Variants in ADGRB3 observed in about 807,000 individuals in gnomAD.
ADGRB3 encodes the protein brain-specific angiogenesis inhibitor 3.
In ADGRB3, 37 loss-of-function variants were observed where a neutral mutation model predicts 193.4. The ratio of observed to expected loss-of-function variants is 0.19; its 90% CI spans 0.15 to 0.25. ADGRB3 has a LOEUF of 0.25. Ranked by LOEUF, ADGRB3 falls within the 10% of genes least tolerant of loss-of-function variation. The probability of loss-of-function intolerance (pLI) is 1.00; values close to 1 mark genes in which losing one functional copy is unlikely to be tolerated. For missense variants in ADGRB3, 1,637 were observed against 1,852.9 expected (o/e 0.88, Z 2.14); for synonymous variants, 690 against 644.2 (o/e 1.07, Z -1.08).
intron 19 of ADGRB3, among the ~76,000 whole-genome samples, chr6:69,235,698 T>C (rs1015980465): frequency 2.6e-5 from 4 of 152,010 alleles, no homozygotes; most frequent in Admixed American, 2.6e-4. Flanking sequence ...AAAGAAGTCA[T>C]AAAAATACAT....
At chr6:68,843,661 G>GA (rs34433960) in intron 3 of ADGRB3, among the ~76,000 whole-genome samples, 2,703 of 149,682 alleles carry the variant, frequency 0.018, 70 homozygotes, top group African/African-American at 0.062. Flanking sequence ...CATAGAAATA[G>GA]AAAAAAAAAA....
intron 3 of ADGRB3, among the ~76,000 whole-genome samples, chr6:68,813,975 A>G (rs1017600138): frequency 6.6e-6 from 1 of 152,170 alleles, no homozygotes; most frequent in African/African-American, 2.4e-5. Context: ...ATTTGGGTTC[A>G]TTCTAAGTCT....
intron 13 of ADGRB3, among the ~76,000 whole-genome samples, chr6:69,034,549 TATA>T (rs1237377034): frequency 6.8e-6 from 1 of 148,100 alleles, no homozygotes; most frequent in African/African-American, 2.4e-5. Flanking sequence ...TTATACTACA[TATA>T]ATTATATAAA....
chr6:68,931,562 A>G (rs1388762548), intron 4 of ADGRB3, among the ~76,000 whole-genome samples: 2 of 152,096 alleles, frequency 1.3e-5, no homozygotes, highest in African/African-American at 2.4e-5. Context: ...ATACATCTCA[A>G]TGTTTTGCCA....
chr6:68,989,987 G>A (rs1390259058), intron 10 of ADGRB3, among the ~76,000 whole-genome samples: 1 of 151,806 alleles, frequency 6.6e-6, no homozygotes, highest in Admixed American at 6.6e-5. Context: ...GGATTGGATG[G>A]GATTCAAAAC....
chr6:69,362,442 A>G (rs1240087543), intron 29 of ADGRB3, among the ~76,000 whole-genome samples: 1 of 151,896 alleles, frequency 6.6e-6, no homozygotes, highest in African/African-American at 2.4e-5. Flanking sequence ...TCCCAGAGGC[A>G]ATTGTTTCAT....
Position 69,252,540 on chromosome 6 carries a change from A to G in ADGRB3, c.2814+13314A>G, listed in dbSNP as rs141676643. On this transcript the variant is annotated intron_variant, in intron 20 of 31. Coordinates refer to ENST00000370598, the MANE Select transcript of ADGRB3 (RefSeq NM_001704.3). ...CACTTTGTACTCTTACCAGTAATCT[A>G]TGATAATTCCAGTGTTACATATTCT... is the stretch of plus-strand genomic sequence containing the variant. 4.5e-4 allele frequency among the ~76,000 whole-genome samples: 69 copies of G among 152,218 alleles called. No homozygotes were observed. In the East Asian group the frequency reaches 0.012, roughly 26 times the overall value.
At chr6:68,686,523 C>G (rs932062895) in intron 3 of ADGRB3, among the ~76,000 whole-genome samples, 1 of 152,152 alleles carries the variant, frequency 6.6e-6, no homozygotes, top group East Asian at 1.9e-4. Flanking sequence ...CCTGATCCTA[C>G]TTGTTTAAAA....
chr6:68,711,090 C>T (rs1765400989), intron 3 of ADGRB3, among the ~76,000 whole-genome samples: 1 of 152,050 alleles, frequency 6.6e-6, no homozygotes, highest in Non-Finnish European at 1.5e-5. Flanking sequence ...TGTTTTTCTA[C>T]CCAGGCCAGC....
intron 13 of ADGRB3, among the ~76,000 whole-genome samples, chr6:69,033,017 T>A (rs1770759387): frequency 6.6e-6 from 1 of 152,298 alleles, no homozygotes; most frequent in Middle Eastern, 3.4e-3. Flanking sequence ...AGTCCACTCC[T>A]CTAGGGAACT....
At chr6:69,097,123 T>C (rs1772902774) in intron 17 of ADGRB3, among the ~76,000 whole-genome samples, 1 of 152,256 alleles carries the variant, frequency 6.6e-6, no homozygotes, top group African/African-American at 2.4e-5. Flanking sequence ...TGTTTCATTT[T>C]ATCTTTGGGA....
At chr6:68,849,645 T>C (rs1252943149) in intron 3 of ADGRB3, among the ~76,000 whole-genome samples, 1 of 151,942 alleles carries the variant, frequency 6.6e-6, no homozygotes, top group Non-Finnish European at 1.5e-5. Context: ...TCTCAAACTC[T>C]CATTTTTAGC....
At chr6:68,942,909 C>A (rs1188386318) in intron 5 of ADGRB3, among the ~76,000 whole-genome samples, 2 of 152,128 alleles carry the variant, frequency 1.3e-5, no homozygotes, top group East Asian at 3.8e-4. Context: ...CCACGCCCAG[C>A]CTAAATACTG....
intron 17 of ADGRB3, among the ~76,000 whole-genome samples, chr6:69,193,975 T>C (rs1019376002): frequency 1.8e-4 from 28 of 152,210 alleles, no homozygotes; most frequent in African/African-American, 6.0e-4. Flanking sequence ...TTATCCATCA[T>C]CTGTCTTCTT....
intron 16 of ADGRB3, among the ~76,000 whole-genome samples, chr6:69,063,545 C>T (rs1489234135): frequency 6.6e-6 from 1 of 151,894 alleles, no homozygotes; most frequent in African/African-American, 2.4e-5. Context: ...TTGCATGCCA[C>T]AGTAAAAGTT....
intron 3 of ADGRB3, among the ~76,000 whole-genome samples, chr6:68,776,427 A>G (rs1766748630): frequency 6.6e-6 from 1 of 152,202 alleles, no homozygotes; most frequent in Non-Finnish European, 1.5e-5. Context: ...TGTGGCATGA[A>G]TGGGGTATGA....
intron 3 of ADGRB3, among the ~76,000 whole-genome samples, chr6:68,699,169 C>A (rs1248603838): frequency 6.6e-6 from 1 of 152,074 alleles, no homozygotes; most frequent in South Asian, 2.1e-4. Context: ...CTGTATTTAA[C>A]AACAATTAGA....
At chr6:69,021,309 CT>C (rs1330786638) in intron 13 of ADGRB3, among the ~76,000 whole-genome samples, 1 of 151,884 alleles carries the variant, frequency 6.6e-6, no homozygotes, top group Non-Finnish European at 1.5e-5. Context: ...AGCTGCCTCA[CT>C]TTTCTGACTA....
chr6:68,680,830 C>G (rs1469068406), intron 3 of ADGRB3, among the ~76,000 whole-genome samples: 2 of 152,104 alleles, frequency 1.3e-5, no homozygotes, highest in Non-Finnish European at 2.9e-5. Context: ...CAGCATTAAA[C>G]AAATACTCAA....
Sources: allele counts gnomAD v4.1 joint callset (sites outside exome capture counted in the v4.1 genomes callset), GRCh38; gene constraint gnomAD v4.1.1; transcripts MANE v1.5; gene names NCBI Gene and HGNC (gene_info 2026-07-23, HGNC 2026-07-21).